Variants in FGGY observed in about 807,000 individuals in gnomAD.
FGGY encodes FGGY carbohydrate kinase domain-containing protein.
A neutral mutation model predicts 71.3 loss-of-function variants in FGGY; 72 were observed. The ratio of observed to expected loss-of-function variants is 1.01; its 90% confidence interval spans 0.84 to 1.23. The LOEUF (loss-of-function observed/expected upper bound fraction) is 1.23. FGGY is among the 50% of genes most tolerant of loss of function. The pLI is 0.00. For missense variants in FGGY, 668 were observed against 682.3 expected (o/e 0.98, Z 0.23); for synonymous variants, 251 against 250.3 (o/e 1.00, Z -0.02).
At chr1:59,758,558 C>T (rs1559010986) in intron 15 of FGGY, among the ~76,000 whole-genome samples, 1 of 152,024 alleles carries the variant, frequency 6.6e-6, no homozygotes, top group Non-Finnish European at 1.5e-5. Flanking sequence ...ACAAAGTTGC[C>T]CAAGGAAGAA....
intron 14 of FGGY, among the ~76,000 whole-genome samples, chr1:59,713,523 AAATTAAATGTAGACT>A (rs542337111): frequency 1.3e-3 from 200 of 152,330 alleles, no homozygotes; most frequent in Middle Eastern, 6.8e-3. Flanking sequence ...GATTTTAACA[AAATTAAATGTAGACT>A]ATTTAAATGA....
At chr1:59,561,240 G>C (rs994643899) in intron 8 of FGGY, among the ~76,000 whole-genome samples, 5 of 152,198 alleles carry the variant, frequency 3.3e-5, no homozygotes, top group African/African-American at 9.6e-5. Context: ...AACAATGAAA[G>C]TGCTGAGGTG....
chr1:59,714,082 C>A (rs576567190), intron 14 of FGGY, among the ~76,000 whole-genome samples: 2 of 152,308 alleles, frequency 1.3e-5, no homozygotes, highest in South Asian at 4.1e-4. Flanking sequence ...ATATCCAGGA[C>A]AGACCTAGCT....
At chr1:59,385,860 G>C (rs753984725) in intron 5 of FGGY, among the ~76,000 whole-genome samples, 1 of 152,110 alleles carries the variant, frequency 6.6e-6, no homozygotes, top group Non-Finnish European at 1.5e-5. Context: ...GATTAACTGA[G>C]TGAACAGATA....
At chr1:59,553,448 T>C (rs1404822635) in intron 7 of FGGY, among the ~76,000 whole-genome samples, 1 of 152,216 alleles carries the variant, frequency 6.6e-6, no homozygotes, top group African/African-American at 2.4e-5. Flanking sequence ...ACGAGCTCTA[T>C]GGGGAAGAAG....
At chr1:59,406,240 A>C (rs1006377169) in intron 5 of FGGY, among the ~76,000 whole-genome samples, 1 of 144,984 alleles carries the variant, frequency 6.9e-6, no homozygotes, top group African/African-American at 2.5e-5. Flanking sequence ...AGAGGAGGAT[A>C]ATTTCTGAGT....
intron 1 of FGGY, among the ~76,000 whole-genome samples, chr1:59,301,204 G>T (rs549631256): frequency 1.3e-5 from 2 of 152,038 alleles, no homozygotes; most frequent in East Asian, 1.9e-4. Flanking sequence ...TTATCTGTAG[G>T]TATTTCCTAT....
intron 10 of FGGY, among the ~76,000 whole-genome samples, chr1:59,634,445 C>T (rs2096937132): frequency 6.6e-6 from 1 of 152,028 alleles, no homozygotes; most frequent in Non-Finnish European, 1.5e-5. Flanking sequence ...TAGAGACAGG[C>T]AATATGGAAG....
intron 6 of FGGY, among the ~76,000 whole-genome samples, chr1:59,511,546 C>T (rs765155084): frequency 2.6e-5 from 4 of 152,158 alleles, no homozygotes; most frequent in Non-Finnish European, 2.9e-5. Flanking sequence ...CTTATCTTGT[C>T]TTCCTAACTA....
At chr1:59,604,960 G>T (rs1318550437) in intron 8 of FGGY, among the ~76,000 whole-genome samples, 3 of 152,148 alleles carry the variant, frequency 2.0e-5, no homozygotes, top group Non-Finnish European at 4.4e-5. Flanking sequence ...TTTTCACTGG[G>T]CAAAGAAAGG....
chr1:59,373,677 CA>C (rs1424179717), intron 4 of FGGY, among the ~76,000 whole-genome samples: 4 of 152,098 alleles, frequency 2.6e-5, no homozygotes, highest in Non-Finnish European at 4.4e-5. Context: ...CTACAGTAAC[CA>C]AAACAGCATG....
chr1:59,307,013 G>A (rs909644339), intron 1 of FGGY, among the ~76,000 whole-genome samples: 1 of 152,048 alleles, frequency 6.6e-6, no homozygotes, highest in Non-Finnish European at 1.5e-5. Flanking sequence ...AGAAGACAAA[G>A]TCTATAAAAT....
intron 9 of FGGY, among the ~76,000 whole-genome samples, chr1:59,614,192 C>A (rs944863334): frequency 1.3e-5 from 2 of 152,072 alleles, no homozygotes; most frequent in Non-Finnish European, 2.9e-5. Context: ...AGAGACACAA[C>A]TAAAAAAGAG....
chr1:59,691,064 G>A lies in FGGY; in HGVS notation c.1512+16931G>A, dbSNP rs1573261441. Among the ~76,000 whole-genome samples the A allele has an allele frequency of 4.6e-5, 7 of 152,274 alleles. No individual in the cohort carries two copies. In the South Asian group the frequency reaches 1.4e-3, roughly 32 times the overall value. On this transcript the variant is annotated intron_variant, in intron 14 of 15. Transcript: ENST00000303721. ...AGATTCTGGTTTTCAAAAATGTAAA[G>A]CAGTGGAACCTTTGGGAGGCCAATA...
intron 7 of FGGY, among the ~76,000 whole-genome samples, chr1:59,531,523 A>G (rs899523192): frequency 6.6e-6 from 1 of 152,190 alleles, no homozygotes; most frequent in Non-Finnish European, 1.5e-5. Flanking sequence ...GCCAAGATCA[A>G]AAGAGAAGCC....
At chr1:59,698,677 A>G (rs1393371821) in intron 14 of FGGY, 1 of 879,568 alleles carries the variant, frequency 1.1e-6, no homozygotes, top group Non-Finnish European at 1.4e-6. Context: ...CTTTCTTTTG[A>G]TAAACAGGAC....
rs145311967 is a variant in FGGY, at chr1:59,637,231, C to T, written c.1074-997C>T. The stretch of plus-strand genomic sequence containing the variant: ...GTATCAAGATTTGAACTGAGTAGTG[C>T]TCTCATGCCCATCATCTTCTCTCCA... On this transcript the variant is annotated intron_variant, in intron 10 of 15. Coordinates refer to ENST00000303721, the MANE Select transcript of FGGY (RefSeq NM_018291.5). 7.0e-4 allele frequency among the ~76,000 whole-genome samples: 107 copies of T among 152,244 alleles called. 2 individuals carry two copies. Among genetic ancestry groups the T allele is most frequent in the African/African-American group, 2.4e-3 (100 of 41,536 alleles).
At chr1:59,525,139 G>A (rs563317226) in intron 7 of FGGY, among the ~76,000 whole-genome samples, 15 of 152,328 alleles carry the variant, frequency 9.8e-5, no homozygotes, top group East Asian at 1.9e-4. Context: ...GCAGCCTTGC[G>A]TGGAGCTGGC....
chr1:59,404,600 T>C (rs533825971), intron 5 of FGGY, among the ~76,000 whole-genome samples: 2 of 152,048 alleles, frequency 1.3e-5, no homozygotes, highest in South Asian at 4.2e-4. Flanking sequence ...CCTCCCAGAG[T>C]GGAGCATGGA....
Sources: gnomAD v4.1 joint callset for allele counts (sites outside exome capture counted in the v4.1 genomes callset) on GRCh38, gnomAD v4.1.1 for gene constraint, MANE v1.5 for transcripts, NCBI Gene and HGNC (gene_info 2026-07-23, HGNC 2026-07-21) for gene names.